ZMAT4: variants seen among roughly 807,000 people sequenced by gnomAD.
The protein encoded by ZMAT4 is zinc finger matrin-type 4.
A neutral mutation model predicts 28.7 loss-of-function variants in ZMAT4; 17 were observed. The observed-to-expected ratio is 0.59, with a 90% CI of 0.41 to 0.89. The LOEUF is 0.89. Among genes scored for constraint, ZMAT4 ranks in the 40% least tolerant of loss-of-function variants. ZMAT4 has a pLI of 0.00. For missense variants in ZMAT4, 240 were observed against 283.8 expected, an observed-to-expected ratio of 0.85 and a Z score of 1.11; for synonymous variants, 117 against 109.2, an observed-to-expected ratio of 1.07 and a Z score of -0.44.
intron 5 of ZMAT4, among the ~76,000 whole-genome samples, chr8:40,673,043 G>T (rs894481518): frequency 6.6e-6 from 1 of 152,044 alleles, no homozygotes; most frequent in Non-Finnish European, 1.5e-5. Flanking sequence ...AATCAATCTC[G>T]AATCAAGCTC....
intron 2 of ZMAT4, among the ~76,000 whole-genome samples, chr8:40,784,623 A>G (rs556676921): frequency 6.6e-6 from 1 of 152,328 alleles, no homozygotes; most frequent in Non-Finnish European, 1.5e-5. Flanking sequence ...GTTTGCAAAT[A>G]ATAACAAACA....
At chr8:40,637,054 A>G (rs888620489) in intron 5 of ZMAT4, among the ~76,000 whole-genome samples, 2 of 151,234 alleles carry the variant, frequency 1.3e-5, no homozygotes, top group African/African-American at 4.9e-5. Flanking sequence ...AGAAGATGAG[A>G]GTCTGAGTCC....
chr8:40,797,369 C>T (rs565933910), intron 2 of ZMAT4, among the ~76,000 whole-genome samples: 6 of 152,326 alleles, frequency 3.9e-5, no homozygotes, highest in East Asian at 3.9e-4. Context: ...CAGACAGTGC[C>T]GACATTACTG....
intron 1 of ZMAT4, among the ~76,000 whole-genome samples, chr8:40,871,101 A>G (rs1817839815): frequency 6.6e-6 from 1 of 152,218 alleles, no homozygotes; most frequent in African/African-American, 2.4e-5. Context: ...CTCTATGGGA[A>G]GATACATGAC....
At chr8:40,545,709 G>A (rs1803179270) in intron 6 of ZMAT4, among the ~76,000 whole-genome samples, 1 of 152,118 alleles carries the variant, frequency 6.6e-6, no homozygotes, top group Non-Finnish European at 1.5e-5. Flanking sequence ...CACCTTCAGA[G>A]GGAGCACAAC....
At chr8:40,583,564 A>G (rs1804564032) in intron 5 of ZMAT4, among the ~76,000 whole-genome samples, 1 of 152,178 alleles carries the variant, frequency 6.6e-6, no homozygotes, top group Non-Finnish European at 1.5e-5. Context: ...ATTGTAAACC[A>G]AAAAGTATCT....
intron 1 of ZMAT4, among the ~76,000 whole-genome samples, chr8:40,842,706 A>G (rs1764198262): frequency 6.6e-6 from 1 of 152,236 alleles, no homozygotes; most frequent in Admixed American, 6.5e-5. Context: ...AGAAGGTAAT[A>G]ATGATGGAGC....
At chr8:40,821,105 G>A (rs1815811953) in intron 2 of ZMAT4, among the ~76,000 whole-genome samples, 2 of 148,704 alleles carry the variant, frequency 1.3e-5, no homozygotes, top group Non-Finnish European at 3.0e-5. Flanking sequence ...GGGGGAGTGT[G>A]TATGTGTGTA....
At chr8:40,811,239 T>G (rs1815301094) in intron 2 of ZMAT4, among the ~76,000 whole-genome samples, 1 of 152,168 alleles carries the variant, frequency 6.6e-6, no homozygotes. Flanking sequence ...AAGTGTGTTT[T>G]ACTGGAGGAA....
intron 2 of ZMAT4, among the ~76,000 whole-genome samples, chr8:40,784,470 C>T (rs547104852): frequency 1.9e-4 from 29 of 152,136 alleles, no homozygotes; most frequent in African/African-American, 5.5e-4. Context: ...ATACTTAATA[C>T]GGAAATATTG....
At chr8:40,608,517 G>A (rs749559766) in intron 5 of ZMAT4, among the ~76,000 whole-genome samples, 3 of 152,180 alleles carry the variant, frequency 2.0e-5, no homozygotes, top group Non-Finnish European at 2.9e-5. Context: ...GAGAAAGCAG[G>A]TGGGGTTTTC....
At chr8:40,574,311 G>C (rs971077077) in intron 6 of ZMAT4, among the ~76,000 whole-genome samples, 1 of 151,910 alleles carries the variant, frequency 6.6e-6, no homozygotes, top group Non-Finnish European at 1.5e-5. Context: ...AATAAAAGTT[G>C]ATACAAAGGG....
At chr8:40,607,536 A>G (rs1376519222) in intron 5 of ZMAT4, among the ~76,000 whole-genome samples, 1 of 151,716 alleles carries the variant, frequency 6.6e-6, no homozygotes, top group African/African-American at 2.4e-5. Flanking sequence ...TTTTTCTGGC[A>G]ATTTGGAGAT....
chr8:40,795,797 G>A (rs542449143), intron 2 of ZMAT4, among the ~76,000 whole-genome samples: 6 of 152,300 alleles, frequency 3.9e-5, no homozygotes, highest in African/African-American at 1.2e-4. Flanking sequence ...AGCATCCAAA[G>A]GGATGTTTTA....
At chr8:40,646,034 T>C (rs1440670877) in intron 5 of ZMAT4, among the ~76,000 whole-genome samples, 1 of 152,064 alleles carries the variant, frequency 6.6e-6, no homozygotes, top group Non-Finnish European at 1.5e-5. Context: ...GTCTCCATTA[T>C]AAACTACTAA....
At chr8:40,657,056 G>C (rs1036321742) in intron 5 of ZMAT4, among the ~76,000 whole-genome samples, 4 of 152,018 alleles carry the variant, frequency 2.6e-5, no homozygotes, top group African/African-American at 7.3e-5. Flanking sequence ...TTTGAGACAG[G>C]TTCTGGCTCT....
intron 1 of ZMAT4, among the ~76,000 whole-genome samples, chr8:40,890,148 T>C (rs12547436): frequency 0.26 from 38,931 of 152,206 alleles, 5,959 homozygotes; most frequent in East Asian, 0.47. Flanking sequence ...TCCCATTCTT[T>C]GCTCACTTCT....
At chr8:40,657,690 A>G (rs1395994409) in intron 5 of ZMAT4, among the ~76,000 whole-genome samples, 3 of 152,186 alleles carry the variant, frequency 2.0e-5, no homozygotes, top group African/African-American at 7.2e-5. Flanking sequence ...CTTTAATGAG[A>G]CAATGTATAA....
At chr8:40,720,550 T>C (rs10958630) in intron 3 of ZMAT4, among the ~76,000 whole-genome samples, 1 of 141,518 alleles carries the variant, frequency 7.1e-6, no homozygotes, top group South Asian at 2.3e-4. Flanking sequence ...TTTTTTGAGA[T>C]GGAGTCTTGC....
Sources: allele counts gnomAD v4.1 joint callset (sites outside exome capture counted in the v4.1 genomes callset), GRCh38; gene constraint gnomAD v4.1.1; transcripts MANE v1.5; gene names NCBI Gene and HGNC (gene_info 2026-07-23, HGNC 2026-07-21).